Variants in NUDCD3 observed in about 807,000 individuals in gnomAD.
NUDCD3 encodes the protein nudC domain-containing protein 3.
In NUDCD3, 13 loss-of-function variants were observed where a neutral mutation model predicts 39.7. The observed-to-expected ratio is 0.33, with a 90% confidence interval of 0.21 to 0.52. NUDCD3 has a LOEUF of 0.52. Among genes scored for constraint, NUDCD3 ranks in the 20% least tolerant of loss-of-function variants. NUDCD3 has a pLI of 0.96. For missense variants in NUDCD3, 453 were observed against 458.1 expected (o/e 0.99, Z 0.10); for synonymous variants, 175 against 172.4 (o/e 1.02, Z -0.12).
chr7:44,385,135 TCGAGCTCTG>T lies in NUDCD3; in HGVS notation c.*867_*875del, dbSNP rs1177492642. The T allele has an allele frequency of 6.6e-6, 1 of 152,226 alleles. No individual in the cohort carries two copies. Among genetic ancestry groups the T allele is most frequent in the African/African-American group, 2.4e-5 (1 of 41,424 alleles). The allele number at this position is 152,226 out of a possible 1,614,324, so 9.4% of individuals were successfully genotyped here. A position where few individuals can be genotyped will look rare whatever the true frequency, so the allele number is the denominator to read the frequency against. ...CAAAGCTTCTCAGGACTTGTGGCTGTCGAGCTCTGCTGAGCTGATGGACATGCTGTGGTC... is the reference window on the plus strand; with the variant it reads ...CAAAGCTTCTCAGGACTTGTGGCTGTCTGAGCTGATGGACATGCTGTGGTC... On this transcript the variant is annotated 3_prime_UTR_variant, in exon 6 of 6. Transcript: ENST00000355451.
intron 2 of NUDCD3, among the ~76,000 whole-genome samples, chr7:44,435,184 A>G (rs928398863): frequency 7.9e-5 from 12 of 152,156 alleles, no homozygotes; most frequent in Non-Finnish European, 1.3e-4. Flanking sequence ...TCTGTTTAGC[A>G]TCTACCACAC....
rs180787906 is a variant in NUDCD3, at chr7:44,382,198, C to T, written c.*3813G>A. The T allele has an allele frequency of 3.3e-5, 5 of 152,132 alleles. No homozygotes were observed. Among genetic ancestry groups the T allele is most frequent in the Admixed American group, 6.5e-5 (1 of 15,274 alleles). 9.4% of individuals were successfully genotyped at this position (152,132 alleles called of 1,614,324 possible). A position where few individuals can be genotyped will look rare whatever the true frequency, so the allele number is the denominator to read the frequency against. ...AACTTTCAGTACTAAAAAATAAAAC[C>T]GAGTGGGAGGAAGGTGAGGACTGAA... is the stretch of plus-strand genomic sequence containing the variant. On this transcript the variant is annotated 3_prime_UTR_variant, in exon 6 of 6. Coordinates refer to ENST00000355451, the MANE Select transcript of NUDCD3 (RefSeq NM_015332.4).
At chr7:44,425,495 TTATC>T (rs1268239661) in intron 3 of NUDCD3, among the ~76,000 whole-genome samples, 1 of 152,164 alleles carries the variant, frequency 6.6e-6, no homozygotes, top group African/African-American at 2.4e-5. Flanking sequence ...AAAGTGGAAA[TTATC>T]TATTTACAAC....
At position 44,477,872 on chromosome 7, in the gene NUDCD3, C is replaced by T. The variant is rs1339040432; in HGVS notation, c.509+7096G>A. Among the ~76,000 whole-genome samples the T allele has an allele frequency of 3.6e-5, 5 of 139,494 alleles. No individual in the cohort carries two copies. In the East Asian group the frequency reaches 6.2e-4, roughly 17 times the overall value. The allele number at this position is 139,494 out of a possible 152,430, so 91.5% of individuals were successfully genotyped here. On this transcript the variant is annotated intron_variant, in intron 2 of 5. Transcript: ENST00000355451. The stretch of plus-strand genomic sequence containing the variant: ...TAGATGGAGTCTCGCTCTGCTCTGT[C>T]GCCCAGGCTGGAGTGCAGTGGCACA...
Position 44,385,792 on chromosome 7 carries a change from G to A in NUDCD3, c.*219C>T. The A allele has an allele frequency of 1.8e-6, 1 of 557,444 alleles. No homozygotes were observed. The highest frequency in any genetic ancestry group is 3.2e-6 in the Non-Finnish European group (1 of 313,422). 34.5% of individuals were successfully genotyped at this position (557,444 alleles called of 1,614,324 possible). On this transcript the variant is annotated 3_prime_UTR_variant, in exon 6 of 6. Coordinates refer to ENST00000355451, the MANE Select transcript of NUDCD3 (RefSeq NM_015332.4). ...TGCATTTCAAACACCTTCACTCAGT[G>A]TCAGCCACAGCGGCCACCACATAGC...
At chr7:44,483,398 G>T (rs1800536144) in intron 2 of NUDCD3, among the ~76,000 whole-genome samples, 2 of 152,096 alleles carry the variant, frequency 1.3e-5, no homozygotes, top group South Asian at 4.1e-4. Context: ...ATGAAATAAA[G>T]GCATTTTCAG....
chr7:44,444,321 G>A (rs887676900), intron 2 of NUDCD3, among the ~76,000 whole-genome samples: 1 of 152,150 alleles, frequency 6.6e-6, no homozygotes, highest in Non-Finnish European at 1.5e-5. Flanking sequence ...TCTTCTTTCT[G>A]AGAAAGCATC....
intron 3 of NUDCD3, among the ~76,000 whole-genome samples, chr7:44,416,658 A>G (rs1455358694): frequency 6.6e-6 from 1 of 152,242 alleles, no homozygotes. Flanking sequence ...AGCATCACAA[A>G]AGGCCTATTG....
At chr7:44,483,067 A>AGTGTGTGTGTGTGT (rs142842030) in intron 2 of NUDCD3, among the ~76,000 whole-genome samples, 1 of 149,776 alleles carries the variant, frequency 6.7e-6, no homozygotes, top group Non-Finnish European at 1.5e-5. Context: ...AGACCTCCTA[A>AGTGTGTGTGTGTGT]GTGTGTGTGT....
intron 2 of NUDCD3, among the ~76,000 whole-genome samples, chr7:44,478,036 G>A (rs968461942): frequency 4.6e-5 from 7 of 151,926 alleles, no homozygotes; most frequent in African/African-American, 1.7e-4. Flanking sequence ...GTTTCACCAT[G>A]TTGGTGAGGC....
intron 3 of NUDCD3, among the ~76,000 whole-genome samples, chr7:44,423,510 A>G (rs1799177869): frequency 6.6e-6 from 1 of 152,220 alleles, no homozygotes; most frequent in Non-Finnish European, 1.5e-5. Context: ...AGACAAGCAG[A>G]GAGCCAAGTC....
Position 44,392,427 on chromosome 7 carries a change from G to T in NUDCD3, c.845C>A (p.Pro282His). 6.2e-7 allele frequency: 1 copy of T among 1,614,058 alleles called. No individual in the cohort carries two copies. The highest frequency in any genetic ancestry group is 8.5e-7 in the Non-Finnish European group (1 of 1,179,998). Residue 282 changes from proline to histidine, a missense_variant, in exon 5 of 6, where the codon CCC (proline) becomes CAC (histidine). By Grantham distance (77) the Pro-to-His change is moderately conservative (BLOSUM62 -2). Transcript: ENST00000355451. Reference protein sequence around the residue: ...WWNAILEGEEPIDIDKINKER... With the variant: ...WWNAILEGEEHIDIDKINKER... Reference sequence around the variant, plus strand: ...CTTGTTGATCTTGTCAATGTCGATGGGCTCTTCTCCCTCCAGGATGGCGTT... The same window carrying T: ...CTTGTTGATCTTGTCAATGTCGATGTGCTCTTCTCCCTCCAGGATGGCGTT...
chr7:44,452,665 C>T (rs1799816508), intron 2 of NUDCD3, among the ~76,000 whole-genome samples: 1 of 152,158 alleles, frequency 6.6e-6, no homozygotes, highest in South Asian at 2.1e-4. Context: ...GTCATAAGAT[C>T]ACTCATTTGT....
chr7:44,421,483 A>C (rs1248596460), intron 3 of NUDCD3, among the ~76,000 whole-genome samples: 1 of 119,420 alleles, frequency 8.4e-6, no homozygotes, highest in Non-Finnish European at 1.8e-5. Context: ...AAGCAAATGG[A>C]AAGCAAAAAA....
intron 5 of NUDCD3, 116 bp downstream of exon 5, chr7:44,392,181 A>C: frequency 1.0e-6 from 1 of 956,762 alleles, no homozygotes. Flanking sequence ...CATGGCAGGA[A>C]GCTGGTCCAC....
chr7:44,444,184 C>T (rs932833007), intron 2 of NUDCD3, among the ~76,000 whole-genome samples: 3 of 152,182 alleles, frequency 2.0e-5, no homozygotes, highest in Non-Finnish European at 2.9e-5. Context: ...TCCCTGCCCG[C>T]CACTTTAACC....
chr7:44,435,092 CTTT>C (rs10572254), intron 2 of NUDCD3, among the ~76,000 whole-genome samples: 19,499 of 152,130 alleles, frequency 0.13, 1,644 homozygotes, highest in Non-Finnish European at 0.19. Flanking sequence ...TTCTACACTT[CTTT>C]ATTGCCTAAT....
rs1360630539 is a variant in NUDCD3 at position 44,380,865 on chromosome 7, C to A, written c.*5146G>T. The A allele has an allele frequency of 6.6e-6, 1 of 152,396 alleles. No individual in the cohort carries two copies. Among genetic ancestry groups the A allele is most frequent in the Non-Finnish European group, 1.5e-5 (1 of 68,176 alleles). The allele number at this position is 152,396 out of a possible 1,614,324, so 9.4% of individuals were successfully genotyped here. The stretch of plus-strand genomic sequence containing the variant: ...ACCCCACAGTGCCCCAACAACACTT[C>A]CTGTCCTCTGGTAGACCCTTACCTG... On this transcript the variant is annotated 3_prime_UTR_variant, in exon 6 of 6. Coordinates refer to ENST00000355451, the MANE Select transcript of NUDCD3 (RefSeq NM_015332.4).
intron 2 of NUDCD3, among the ~76,000 whole-genome samples, chr7:44,470,058 T>A (rs1800222149): frequency 6.6e-6 from 1 of 152,250 alleles, no homozygotes; most frequent in South Asian, 2.1e-4. Flanking sequence ...TCCCTCATTA[T>A]AAAAGACTCT....
Sources: gnomAD v4.1 joint callset for allele counts (sites outside exome capture counted in the v4.1 genomes callset) on GRCh38, gnomAD v4.1.1 for gene constraint, MANE v1.5 for transcripts, NCBI Gene and HGNC (gene_info 2026-07-23, HGNC 2026-07-21) for gene names.